The following NBEA variants were observed in gnomAD, a reference collection of about 807,000 sequenced individuals.
NBEA encodes the protein lysosomal-trafficking regulator 2.
A neutral mutation model predicts 343.4 loss-of-function variants in NBEA; 44 were observed. That is an observed-to-expected ratio of 0.13 (90% CI 0.10 to 0.16). NBEA has a LOEUF of 0.16. NBEA is among the 10% of genes least tolerant of loss of function. The probability of loss-of-function intolerance (pLI) is 1.00; values close to 1 mark genes in which losing one functional copy is unlikely to be tolerated. For synonymous variants in NBEA, 1,175 were observed against 1,238.7 expected, an observed-to-expected ratio of 0.95 and a Z score of 1.08; for missense variants, 2,555 against 3,631.3, an observed-to-expected ratio of 0.70 and a Z score of 7.62.
At chr13:35,176,093 C>T (rs2070878900) in intron 27 of NBEA, among the ~76,000 whole-genome samples, 1 of 152,050 alleles carries the variant, frequency 6.6e-6, no homozygotes, top group African/African-American at 2.4e-5. Flanking sequence ...GTTAACTTCT[C>T]ACCGATGGTC....
Position 35,593,332 on chromosome 13 carries a change from C to T in NBEA, c.7181C>T (p.Pro2394Leu). Residue 2394 changes from proline (P) to leucine (L), a missense_variant, in exon 47 of 59, where the codon CCT (proline) becomes CTT (leucine). Physicochemically the swap from Pro to Leu is moderately conservative, Grantham distance 98. This residue lies in a region of NBEA where 156 missense variants were observed against 185.8 expected (regional missense o/e 0.84). Coordinates refer to ENST00000379939, the MANE Select transcript of NBEA (RefSeq NM_001385012.1). ...TGATTCTGTTTTTTTGCTTAGGAAC[C>T]TTTCACAACCTTCTTCCTCAATGCA... Reference protein sequence around the residue: ...STLSWLVRIEPFTTFFLNAND... With the variant: ...STLSWLVRIELFTTFFLNAND... 1 of 1,612,004 alleles carries T rather than the reference C, an allele frequency of 6.2e-7. No homozygotes were observed. The highest frequency in any genetic ancestry group is 8.5e-7 in the Non-Finnish European group (1 of 1,178,782).
chr13:35,254,079 T>C (rs928485289), intron 34 of NBEA, among the ~76,000 whole-genome samples: 10 of 152,022 alleles, frequency 6.6e-5, no homozygotes, highest in South Asian at 4.1e-4. Flanking sequence ...TTTTTGTACC[T>C]ACATCCTTAT....
At chr13:35,601,616 G>A (rs1437118222) in intron 47 of NBEA, among the ~76,000 whole-genome samples, 3 of 151,840 alleles carry the variant, frequency 2.0e-5, no homozygotes, top group African/African-American at 7.3e-5. Flanking sequence ...ACAAAAATTA[G>A]CCAGGTGTGG....
intron 38 of NBEA, among the ~76,000 whole-genome samples, chr13:35,369,581 T>C (rs185237969): frequency 2.5e-4 from 38 of 152,032 alleles, no homozygotes; most frequent in African/African-American, 8.7e-4. Flanking sequence ...TTTTGTAGTT[T>C]TCCTTATAGA....
At chr13:35,297,558 A>G (rs1468646268) in intron 35 of NBEA, among the ~76,000 whole-genome samples, 3 of 152,024 alleles carry the variant, frequency 2.0e-5, no homozygotes, top group African/African-American at 7.2e-5. Context: ...ATTTACAACA[A>G]TCCAGAAGAA....
intron 55 of NBEA, among the ~76,000 whole-genome samples, chr13:35,664,845 C>G (rs1390236825): frequency 6.6e-6 from 1 of 152,230 alleles, no homozygotes; most frequent in African/African-American, 2.4e-5. Context: ...TCGTTACGTT[C>G]TAAGCATGTT....
chr13:35,085,711 T>C (rs1015471111), intron 10 of NBEA, among the ~76,000 whole-genome samples: 5 of 152,060 alleles, frequency 3.3e-5, no homozygotes, highest in African/African-American at 1.2e-4. Context: ...CTGTTGAACA[T>C]AGTGTTGGAA....
chr13:35,483,137 T>G (rs1465848669), intron 41 of NBEA, among the ~76,000 whole-genome samples: 2 of 151,968 alleles, frequency 1.3e-5, no homozygotes, highest in Non-Finnish European at 2.9e-5. Context: ...AAGTTTAATT[T>G]TCATGTATGT....
chr13:35,078,882 T>C (rs939459190), intron 10 of NBEA, among the ~76,000 whole-genome samples: 7 of 151,746 alleles, frequency 4.6e-5, no homozygotes, highest in African/African-American at 1.7e-4. Context: ...ATTAGTGGGG[T>C]GTGGTGGCAC....
At chr13:35,025,492 T>C (rs1159094357) in intron 1 of NBEA, among the ~76,000 whole-genome samples, 2 of 152,178 alleles carry the variant, frequency 1.3e-5, no homozygotes, top group African/African-American at 2.4e-5. Context: ...TGTGGCTTTA[T>C]TTCTGGGTTG....
intron 43 of NBEA, among the ~76,000 whole-genome samples, chr13:35,552,090 T>A (rs2153014132): frequency 6.6e-6 from 1 of 152,320 alleles, no homozygotes; most frequent in South Asian, 2.1e-4. Flanking sequence ...AGATTGACTT[T>A]AGGTAGATAC....
chr13:35,052,144 A>T (rs1319208756), intron 6 of NBEA, among the ~76,000 whole-genome samples: 1 of 152,000 alleles, frequency 6.6e-6, no homozygotes, highest in African/African-American at 2.4e-5. Context: ...GAAAAGTCAT[A>T]AATATTTGCT....
intron 39 of NBEA, among the ~76,000 whole-genome samples, chr13:35,433,726 GA>G (rs2045259691): frequency 6.6e-6 from 1 of 151,890 alleles, no homozygotes; most frequent in South Asian, 2.1e-4. Context: ...TGTCTTCTTT[GA>G]ATAACTAAAA....
At chr13:35,422,818 T>A (rs1294529164) in intron 38 of NBEA, among the ~76,000 whole-genome samples, 1 of 152,222 alleles carries the variant, frequency 6.6e-6, no homozygotes, top group African/African-American at 2.4e-5. Flanking sequence ...TGTTGTTTCC[T>A]GACTTTTTAA....
intron 46 of NBEA, 130 bp from the exon 47 acceptor site, chr13:35,593,198 G>A (rs2153043611): frequency 1.1e-6 from 1 of 947,124 alleles, no homozygotes; most frequent in African/African-American, 1.7e-5. Context: ...GCCTTAATTT[G>A]GGGGCATCTT....
intron 49 of NBEA, among the ~76,000 whole-genome samples, chr13:35,635,552 A>T (rs186219966): frequency 6.6e-6 from 1 of 152,166 alleles, no homozygotes; most frequent in Non-Finnish European, 1.5e-5. Flanking sequence ...TAATTAGTGG[A>T]GTGAAAATAC....
chr13:35,550,684 T>C lies in NBEA; in HGVS notation c.6703+90T>C, dbSNP rs940862150. 2.5e-5 allele frequency: 20 copies of C among 805,336 alleles called. No homozygotes were observed. In the African/African-American group the frequency reaches 3.1e-4, roughly 13 times the overall value. 49.9% of individuals were successfully genotyped at this position (805,336 alleles called of 1,614,324 possible). A position where few individuals can be genotyped will look rare whatever the true frequency, so the allele number is the denominator to read the frequency against. ...ATGATAATGTCTTGATTTTTCCTACTGTATTTCTGATGTGCTCTAGCTTAA... is the reference window on the plus strand; with the variant it reads ...ATGATAATGTCTTGATTTTTCCTACCGTATTTCTGATGTGCTCTAGCTTAA... On this transcript the variant is annotated intron_variant, in intron 42 of 58. Transcript: ENST00000379939.
chr13:35,371,739 T>C (rs1185026420), intron 38 of NBEA, among the ~76,000 whole-genome samples: 2 of 152,230 alleles, frequency 1.3e-5, no homozygotes, highest in Non-Finnish European at 2.9e-5. Flanking sequence ...ATGCTACTTC[T>C]AATTTTTTGA....
At chr13:35,634,259 T>C (rs990768369) in intron 49 of NBEA, among the ~76,000 whole-genome samples, 7 of 152,020 alleles carry the variant, frequency 4.6e-5, no homozygotes, top group African/African-American at 1.2e-4. Context: ...AGGAGAATGG[T>C]GTGAACCCGG....
Sources: gnomAD v4.1 joint callset for allele counts (sites outside exome capture counted in the v4.1 genomes callset) on GRCh38, gnomAD v4.1.1 for gene constraint, gnomAD v4.1.1 regional missense constraint, MANE v1.5 for transcripts, NCBI Gene and HGNC (gene_info 2026-07-23, HGNC 2026-07-21) for gene names.